The following DNAH9 variants were observed in gnomAD, a reference collection of about 807,000 sequenced individuals.
The protein encoded by DNAH9 is dynein axonemal heavy chain 9.
In DNAH9, 345 loss-of-function variants were observed where a neutral mutation model predicts 471.6. That is an observed-to-expected ratio of 0.73 (90% confidence interval 0.67 to 0.80). The LOEUF (loss-of-function observed/expected upper bound fraction) is 0.80, where lower values mean the gene tolerates loss of function less well. DNAH9 is among the 30% of genes least tolerant of loss of function. The pLI is 0.00. For missense variants in DNAH9, 5,407 were observed against 5,609.2 expected (o/e 0.96, Z 1.15); for synonymous variants, 2,093 against 2,123.6 (o/e 0.99, Z 0.40).
At chr17:11,692,747 A>G (rs1217946672) in intron 20 of DNAH9, among the ~76,000 whole-genome samples, 1 of 152,030 alleles carries the variant, frequency 6.6e-6, no homozygotes, top group Non-Finnish European at 1.5e-5. Flanking sequence ...GACATGTGAT[A>G]TCATAATAAA....
Position 11,719,387 on chromosome 17 carries a change from C to G in DNAH9, c.5606C>G (p.Ala1869Gly). 6.2e-7 allele frequency: 1 copy of G among 1,614,078 alleles called. No individual in the cohort carries two copies. Among genetic ancestry groups the G allele is most frequent in the Non-Finnish European group, 8.5e-7 (1 of 1,179,996 alleles). The change falls in exon 27 of 69, where the codon GCA becomes GGA. Residue 1869 changes from alanine to glycine, a missense_variant. Physicochemically the swap from Ala to Gly is moderately conservative, Grantham distance 60 (BLOSUM62 0). This residue lies in a region of DNAH9 where 4,636 missense variants were observed against 4,900.3 expected (regional missense o/e 0.95). Coordinates refer to ENST00000262442, the MANE Select transcript of DNAH9 (RefSeq NM_001372.4). ...SLHLTMSGAP[A>G]GPAGTGKTET... is the part of the protein sequence containing the mutation. Reference sequence around the variant, plus strand: ...CACCTGACCATGAGTGGGGCTCCCGCAGGACCTGCAGGCACAGGCAAGACC... The same window carrying G: ...CACCTGACCATGAGTGGGGCTCCCGGAGGACCTGCAGGCACAGGCAAGACC...
intron 47 of DNAH9, 76 bp from the exon 48 acceptor site, chr17:11,822,725 C>A: frequency 6.3e-7 from 1 of 1,586,116 alleles, no homozygotes; most frequent in South Asian, 1.1e-5. Flanking sequence ...GGAGGAATGG[C>A]TGGGGTGAGG....
At chr17:11,744,758 T>C in intron 30 of DNAH9, 39 bp from the exon 31 acceptor site, 5 of 1,564,478 alleles carry the variant, frequency 3.2e-6, no homozygotes, top group Non-Finnish European at 4.4e-6. Context: ...GCACATGGTG[T>C]TCTGTCTCTC....
chr17:11,897,443 C>T lies in DNAH9; in HGVS notation c.11406+2947C>T, dbSNP rs1045227517. The stretch of plus-strand genomic sequence containing the variant: ...TTAAAAATTCAGTCTCTCAGTCCCA[C>T]CAACCACATTTCAAGTACTTGGGAG... On this transcript the variant is annotated intron_variant, in intron 59 of 68. Coordinates refer to ENST00000262442, the MANE Select transcript of DNAH9 (RefSeq NM_001372.4). Among the ~76,000 whole-genome samples the T allele has an allele frequency of 4.6e-5, 7 of 152,234 alleles. No individual in the cohort carries two copies. The South Asian group carries it at 1.2e-3, about 27-fold the overall frequency.
intron 1 of DNAH9, among the ~76,000 whole-genome samples, chr17:11,603,339 C>T (rs879421209): frequency 6.6e-6 from 1 of 152,142 alleles, no homozygotes. Context: ...TGTCCAAAAC[C>T]TCCTGTTAAC....
chr17:11,853,915 C>G, intron 49 of DNAH9, 88 bp from the exon 50 acceptor site: 5 of 1,304,532 alleles, frequency 3.8e-6, no homozygotes, highest in Non-Finnish European at 4.2e-6. Flanking sequence ...CCTTTCAAAC[C>G]GATCGCTCCA....
chr17:11,636,765 C>A lies in DNAH9; in HGVS notation c.1767C>A (p.Val589=), dbSNP rs1228531276. ...DAVRMIYSQH[V]QEEAELGFSP... ...TGAGGATGATCTACAGTCAGCACGT[C>A]CAGGAGGAAGCAGAACTTGGTAGGC... Residue 589 remains valine, a synonymous_variant, in exon 9 of 69, where the codon GTC becomes GTA. Coordinates refer to ENST00000262442, the MANE Select transcript of DNAH9 (RefSeq NM_001372.4). 6.2e-7 allele frequency: 1 copy of A among 1,614,034 alleles called. No homozygotes were observed. Among genetic ancestry groups the A allele is most frequent in the South Asian group, 1.1e-5 (1 of 91,064 alleles).
intron 14 of DNAH9, among the ~76,000 whole-genome samples, chr17:11,661,907 C>A (rs2073772464): frequency 6.6e-6 from 1 of 152,068 alleles, no homozygotes; most frequent in Non-Finnish European, 1.5e-5. Context: ...CATCTTCAGG[C>A]TTGTTATTCC....
intron 61 of DNAH9, among the ~76,000 whole-genome samples, chr17:11,914,555 A>C (rs1334607101): frequency 2.6e-5 from 4 of 152,124 alleles, no homozygotes; most frequent in Non-Finnish European, 5.9e-5. Flanking sequence ...AAAATTTGGA[A>C]TCCTTGGGTG....
intron 49 of DNAH9, among the ~76,000 whole-genome samples, chr17:11,841,010 C>G (rs763064042): frequency 6.6e-6 from 1 of 152,132 alleles, no homozygotes; most frequent in Non-Finnish European, 1.5e-5. Flanking sequence ...ATAATATGCT[C>G]TTTTTTAAAA....
Position 11,768,538 on chromosome 17 carries a change from A to T in DNAH9, c.7256A>T (p.Asp2419Val). 6.2e-7 allele frequency: 1 copy of T among 1,614,140 alleles called. No individual in the cohort carries two copies. The highest frequency in any genetic ancestry group is 8.5e-7 in the Non-Finnish European group (1 of 1,180,020). The change falls in exon 37 of 69, where the codon GAC becomes GTC. Residue 2419 changes from aspartate (D) to valine (V), a missense_variant. Coordinates refer to ENST00000262442, the MANE Select transcript of DNAH9 (RefSeq NM_001372.4). The part of the protein sequence containing the change: ...VKFPSQGTIF[D>V]YYIDPETKKF... The stretch of plus-strand genomic sequence containing the variant: ...TTTCCTTCCCAAGGAACCATCTTTG[A>T]CTATTACATCGACCCAGAGACCAAG...
At chr17:11,840,133 A>G (rs1460625466) in intron 49 of DNAH9, among the ~76,000 whole-genome samples, 4 of 152,268 alleles carry the variant, frequency 2.6e-5, no homozygotes, top group Non-Finnish European at 4.4e-5. Flanking sequence ...TTGCAGCCTC[A>G]TTCCCAAAAG....
In DNAH9 at chr17:11,874,983, T is replaced by C. The variant is rs776003691; in HGVS notation, c.10277T>C (p.Leu3426Pro). 6.2e-7 allele frequency: 1 copy of C among 1,613,976 alleles called. No homozygotes were observed. Among genetic ancestry groups the C allele is most frequent in the African/African-American group, 1.3e-5 (1 of 74,914 alleles). ...CCAGTCACCCCAGCCCTGGATCCCC[T>C]GAGGATGCTGATGGATGATGCTGAC... ...PIPVTPALDP[L>P]RMLMDDADVA... Residue 3426 changes from leucine to proline, a missense_variant, in exon 53 of 69, where the codon CTG (leucine) becomes CCG (proline). By Grantham distance (98) the Leu-to-Pro change is moderately conservative. Coordinates refer to ENST00000262442, the MANE Select transcript of DNAH9 (RefSeq NM_001372.4).
At chr17:11,764,199 G>A (rs1567784983) in intron 36 of DNAH9, among the ~76,000 whole-genome samples, 1 of 152,176 alleles carries the variant, frequency 6.6e-6, no homozygotes, top group Non-Finnish European at 1.5e-5. Flanking sequence ...ATTGGAAGAA[G>A]GGATATGTGG....
chr17:11,624,967 A>G (rs1240015254), intron 6 of DNAH9, among the ~76,000 whole-genome samples: 2 of 152,214 alleles, frequency 1.3e-5, no homozygotes, highest in African/African-American at 2.4e-5. Context: ...CCAGAAGTAT[A>G]TAAAATCTTT....
At chr17:11,604,327 C>T (rs1409364625) in intron 1 of DNAH9, among the ~76,000 whole-genome samples, 1 of 152,044 alleles carries the variant, frequency 6.6e-6, no homozygotes, top group Non-Finnish European at 1.5e-5. Flanking sequence ...CGTCCTCTTC[C>T]CAACTTCTTA....
At chr17:11,831,847 C>T (rs1271480758) in intron 48 of DNAH9, among the ~76,000 whole-genome samples, 1 of 152,132 alleles carries the variant, frequency 6.6e-6, no homozygotes, top group Non-Finnish European at 1.5e-5. Flanking sequence ...ACCACCACTG[C>T]ATTGTCATCC....
At chr17:11,828,330 A>G (rs763646277) in intron 48 of DNAH9, among the ~76,000 whole-genome samples, 10 of 152,042 alleles carry the variant, frequency 6.6e-5, no homozygotes, top group Non-Finnish European at 1.2e-4. Flanking sequence ...AAAAATAGCC[A>G]GGCATGGTGG....
At chr17:11,956,942 G>C (rs993607180) in intron 67 of DNAH9, among the ~76,000 whole-genome samples, 1 of 151,376 alleles carries the variant, frequency 6.6e-6, no homozygotes, top group Non-Finnish European at 1.5e-5. Flanking sequence ...ATTAATGAAA[G>C]TGAAAACAAA....
Sources: gnomAD v4.1 joint callset for allele counts (sites outside exome capture counted in the v4.1 genomes callset) on GRCh38, gnomAD v4.1.1 for gene constraint, gnomAD v4.1.1 regional missense constraint, MANE v1.5 for transcripts, NCBI Gene and HGNC (gene_info 2026-07-23, HGNC 2026-07-21) for gene names.